Variants in ERCC6L2 observed in about 807,000 individuals in gnomAD.
ERCC6L2 encodes ERCC excision repair 6 like 2, also known as DNA excision repair protein ERCC-6-like 2.
ERCC6L2 carries 77 observed loss-of-function variants against 132.0 expected under a neutral mutation model. The ratio of observed to expected loss-of-function variants is 0.58; its 90% CI spans 0.49 to 0.71. The LOEUF (loss-of-function observed/expected upper bound fraction) is 0.71. Among genes scored for constraint, ERCC6L2 ranks in the 30% least tolerant of loss-of-function variants. The pLI is 0.00. For missense variants in ERCC6L2, 1,542 were observed against 1,837.6 expected (o/e 0.84, Z 2.94); for synonymous variants, 583 against 632.4 (o/e 0.92, Z 1.17).
intron 17 of ERCC6L2, among the ~76,000 whole-genome samples, chr9:95,991,781 A>T (rs1488634446): frequency 6.6e-6 from 1 of 152,232 alleles, no homozygotes; most frequent in Non-Finnish European, 1.5e-5. Flanking sequence ...TAACTCTATT[A>T]ATAAGTATTT....
intron 16 of ERCC6L2, among the ~76,000 whole-genome samples, chr9:95,976,312 C>T (rs1832669684): frequency 6.6e-6 from 1 of 152,104 alleles, no homozygotes; most frequent in African/African-American, 2.4e-5. Flanking sequence ...CTTTATTGGG[C>T]CCTGACCTGG....
intron 16 of ERCC6L2, among the ~76,000 whole-genome samples, chr9:95,977,476 A>G (rs1327979659): frequency 2.6e-5 from 4 of 152,228 alleles, no homozygotes; most frequent in East Asian, 1.9e-4. Flanking sequence ...AAGCAAAGCA[A>G]TAAAAATTGT....
At position 96,013,171 on chromosome 9, in the gene ERCC6L2, G is replaced by A. The variant is rs1834094392; in HGVS notation, c.4621G>A (p.Glu1541Lys). Residue 1541 changes from glutamate (E) to lysine (K), a missense_variant, in exon 19 of 19, where the codon GAA becomes AAA. Physicochemically the swap from Glu to Lys is moderately conservative, Grantham distance 56 (BLOSUM62 1). This residue lies in a region of ERCC6L2 where 442 missense variants were observed against 583.4 expected (regional missense o/e 0.76). Transcript: ENST00000653738. ...GAAATTTAGCCCAAGTGATACAGATGAAAACGCAACCAATACACAGAGTAC... is the reference window on the plus strand; with the variant it reads ...GAAATTTAGCCCAAGTGATACAGATAAAAACGCAACCAATACACAGAGTAC... Reference protein sequence around the residue: ...WKKFSPSDTDENATNTQSTT With the variant: ...WKKFSPSDTDKNATNTQSTT 7.3e-7 allele frequency: 1 copy of A among 1,365,906 alleles called. No homozygotes were observed. Among genetic ancestry groups the A allele is most frequent in the Non-Finnish European group, 9.8e-7 (1 of 1,021,402 alleles). 84.6% of individuals were successfully genotyped at this position (1,365,906 alleles called of 1,614,324 possible).
intron 12 of ERCC6L2, among the ~76,000 whole-genome samples, chr9:95,949,837 G>A (rs1045049240): frequency 1.3e-5 from 2 of 151,994 alleles, no homozygotes; most frequent in East Asian, 1.9e-4. Context: ...GTGAAACCCC[G>A]TCTCTACTAA....
At chr9:95,983,798 C>CCT (rs1250462010) in intron 17 of ERCC6L2, among the ~76,000 whole-genome samples, 12 of 152,164 alleles carry the variant, frequency 7.9e-5, no homozygotes, top group Admixed American at 3.3e-4. Context: ...ATCTCATTTT[C>CCT]CTAAATTTTG....
intron 20 of ERCC6L2, among the ~76,000 whole-genome samples, chr9:96,040,322 G>C (rs993825965): frequency 6.6e-6 from 1 of 152,146 alleles, no homozygotes; most frequent in Admixed American, 6.5e-5. Flanking sequence ...CTGTGGTCAC[G>C]AGACGTGACC....
intron 13 of ERCC6L2, among the ~76,000 whole-genome samples, chr9:95,959,170 A>T (rs1487009075): frequency 6.6e-6 from 1 of 150,964 alleles, no homozygotes; most frequent in Non-Finnish European, 1.5e-5. Flanking sequence ...TGGTACTGGT[A>T]CCAAAACAGA....
At chr9:96,011,396 A>G (rs1473617280) in intron 18 of ERCC6L2, among the ~76,000 whole-genome samples, 1 of 152,048 alleles carries the variant, frequency 6.6e-6, no homozygotes, top group Admixed American at 6.6e-5. Flanking sequence ...TGAAGGCTCT[A>G]ACTCCAAATA....
chr9:95,935,438 C>T (rs186627750), intron 11 of ERCC6L2, among the ~76,000 whole-genome samples: 2 of 152,180 alleles, frequency 1.3e-5, no homozygotes, highest in African/African-American at 2.4e-5. Flanking sequence ...TGTAAGTATC[C>T]ACTCTGTGAC....
Position 96,012,982 on chromosome 9 carries a change from T to C in ERCC6L2, c.4432T>C (p.Phe1478Leu), listed in dbSNP as rs766144863. 10 of 1,367,402 alleles carry C rather than the reference T, an allele frequency of 7.3e-6. No individual in the cohort carries two copies. Among genetic ancestry groups the C allele is most frequent in the Non-Finnish European group, 8.8e-6 (9 of 1,021,712 alleles). The allele number at this position is 1,367,402 out of a possible 1,614,324, so 84.7% of individuals were successfully genotyped here. Residue 1478 changes from phenylalanine to leucine, a missense_variant, in exon 19 of 19, where the codon TTC (phenylalanine) becomes CTC (leucine). By Grantham distance (22) the Phe-to-Leu change is conservative. Coordinates refer to ENST00000653738, the MANE Select transcript of ERCC6L2 (RefSeq NM_020207.7). ...MEKAKQRPKDFWDILNEQNDE... is the reference protein window; with the variant it reads ...MEKAKQRPKDLWDILNEQNDE... ...AAAAGCAAAACAGAGACCAAAAGAT[T>C]TCTGGGACATCTTGAATGAGCAGAA...
intron 2 of ERCC6L2, among the ~76,000 whole-genome samples, chr9:95,887,344 C>G (rs1827925684): frequency 1.3e-5 from 2 of 152,060 alleles, no homozygotes; most frequent in Non-Finnish European, 2.9e-5. Context: ...AGGCATAGCT[C>G]TAATATAGTA....
rs541576822 is a variant in ERCC6L2, at chr9:95,907,905, C to T, written c.788+634C>T. Among the ~76,000 whole-genome samples the T allele has an allele frequency of 1.2e-4, 15 of 123,172 alleles. No homozygotes were observed. The South Asian group carries it at 4.0e-3, about 32-fold the overall frequency. The allele number at this position is 123,172 out of a possible 152,430, so 80.8% of individuals were successfully genotyped here. A position where few individuals can be genotyped will look rare whatever the true frequency, so the allele number is the denominator to read the frequency against. On this transcript the variant is annotated intron_variant, in intron 4 of 18. Coordinates refer to ENST00000653738, the MANE Select transcript of ERCC6L2 (RefSeq NM_020207.7). ...AGCATAGAGTGTGAGGGAGAAGTGG[C>T]CAAGAGGTAACACCAGTGAGATAAG...
chr9:95,879,593 T>G (rs1359014223), intron 1 of ERCC6L2, among the ~76,000 whole-genome samples: 1 of 152,208 alleles, frequency 6.6e-6, no homozygotes, highest in African/African-American at 2.4e-5. Context: ...TCTTTTAGAA[T>G]GGTGTAACAG....
At chr9:95,879,237 G>T (rs1466725196) in intron 1 of ERCC6L2, among the ~76,000 whole-genome samples, 3 of 152,098 alleles carry the variant, frequency 2.0e-5, no homozygotes, top group Non-Finnish European at 4.4e-5. Context: ...GCTTTGATTT[G>T]CATTTCTCTG....
intron 4 of ERCC6L2, among the ~76,000 whole-genome samples, chr9:95,907,857 C>CCACA (rs1554741233): frequency 7.5e-6 from 1 of 133,738 alleles, no homozygotes; most frequent in African/African-American, 2.8e-5. Flanking sequence ...ACACACACAC[C>CCACA]CCCACACCCA....
At chr9:95,948,174 T>G (rs879876881) in intron 12 of ERCC6L2, among the ~76,000 whole-genome samples, 3 of 152,218 alleles carry the variant, frequency 2.0e-5, no homozygotes, top group Non-Finnish European at 4.4e-5. Context: ...TAAGAACATT[T>G]GTGATTCATG....
chr9:95,963,794 C>T (rs1291538876), intron 13 of ERCC6L2, among the ~76,000 whole-genome samples: 1 of 151,930 alleles, frequency 6.6e-6, no homozygotes, highest in East Asian at 1.9e-4. Context: ...AGTCTAGGTC[C>T]ATTTGATGTT....
chr9:95,920,300 T>A (rs1564224811), intron 6 of ERCC6L2, among the ~76,000 whole-genome samples: 1 of 152,202 alleles, frequency 6.6e-6, no homozygotes. Context: ...CTCAGCCTAC[T>A]CAATATGAAG....
chr9:95,918,640 G>A (rs551830012), intron 6 of ERCC6L2: 5 of 214,270 alleles, frequency 2.3e-5, no homozygotes, highest in African/African-American at 1.2e-4. Context: ...TCTTGGGATT[G>A]TTGAGGCCTA....
Sources: gnomAD v4.1 joint callset for allele counts (sites outside exome capture counted in the v4.1 genomes callset) on GRCh38, gnomAD v4.1.1 for gene constraint, gnomAD v4.1.1 regional missense constraint, MANE v1.5 for transcripts, NCBI Gene and HGNC (gene_info 2026-07-23, HGNC 2026-07-21) for gene names.